The following FRMD6 variants were observed in gnomAD, a reference collection of about 807,000 sequenced individuals.
FRMD6 encodes the protein FERM domain-containing protein 6.
FRMD6 carries 37 observed loss-of-function variants against 73.2 expected under a neutral mutation model. That is an observed-to-expected ratio of 0.51 (90% CI 0.39 to 0.66). The LOEUF (loss-of-function observed/expected upper bound fraction) is 0.66, where lower values mean the gene tolerates loss of function less well. Ranked by LOEUF, FRMD6 falls within the 30% of genes least tolerant of loss-of-function variation. The pLI, the probability that FRMD6 is intolerant of heterozygous loss-of-function variation, is 0.00. For missense variants in FRMD6, 714 were observed against 780.5 expected (o/e 0.91, Z 1.02); for synonymous variants, 273 against 282.2 (o/e 0.97, Z 0.33).
intron 1 of FRMD6, among the ~76,000 whole-genome samples, chr14:51,503,078 A>T (rs2140220361): frequency 6.6e-6 from 1 of 152,322 alleles, no homozygotes; most frequent in Admixed American, 6.5e-5. Context: ...GTTGCTTATC[A>T]GCTTAAGAAG....
chr14:51,650,810 C>T (rs1892318466), upstream of FRMD6: 1 of 151,980 alleles, frequency 6.6e-6, no homozygotes, highest in Non-Finnish European at 1.5e-5. Context: ...CCCCGGCACT[C>T]CTTTAGCGAA....
chr14:51,568,225 C>T (rs1228427557), intron 1 of FRMD6, among the ~76,000 whole-genome samples: 2 of 152,252 alleles, frequency 1.3e-5, no homozygotes, highest in Non-Finnish European at 2.9e-5. Flanking sequence ...TTTTCTGAGC[C>T]AATTCTTGTC....
chr14:51,507,873 C>A (rs79637259), intron 1 of FRMD6, among the ~76,000 whole-genome samples: 3,382 of 152,250 alleles, frequency 0.022, 126 homozygotes, highest in African/African-American at 0.078. Flanking sequence ...GGCTTGATCA[C>A]ACCTCTGGGC....
At chr14:51,718,181 T>C (rs959067511) in intron 10 of FRMD6, among the ~76,000 whole-genome samples, 3 of 152,186 alleles carry the variant, frequency 2.0e-5, no homozygotes, top group Admixed American at 6.5e-5. Context: ...GCTTCCTAAA[T>C]GTCTGGAAAG....
chr14:51,544,509 T>C (rs1886358505), intron 1 of FRMD6, among the ~76,000 whole-genome samples: 2 of 152,024 alleles, frequency 1.3e-5, no homozygotes, highest in Non-Finnish European at 2.9e-5. Flanking sequence ...GAAAACAATA[T>C]GTATAAGTTG....
chr14:51,665,086 A>G (rs1445050663), intron 1 of FRMD6, among the ~76,000 whole-genome samples: 1 of 152,234 alleles, frequency 6.6e-6, no homozygotes, highest in Admixed American at 6.5e-5. Flanking sequence ...CCCACCAACA[A>G]GTTTGGCTGC....
chr14:51,639,217 C>T lies in FRMD6; in HGVS notation c.-146-50474C>T, dbSNP rs966378464. ...TTGGGAGACTGAGGCGGGCGGATCA[C>T]GAGGTCAGGAGATCGAGACCATGCT... On this transcript the variant is annotated intron_variant, in intron 2 of 14. Transcript: ENST00000356218. Among the ~76,000 whole-genome samples the T allele has an allele frequency of 4.6e-5, 7 of 152,050 alleles. No individual in the cohort carries two copies. The East Asian group carries it at 1.2e-3, about 25-fold the overall frequency.
chr14:51,601,793 T>C (rs982486755), intron 2 of FRMD6, among the ~76,000 whole-genome samples: 1 of 152,234 alleles, frequency 6.6e-6, no homozygotes, highest in Admixed American at 6.5e-5. Flanking sequence ...TGCCTAGGCT[T>C]GGTAACATTG....
At chr14:51,602,691 A>AG (rs1233109162) in intron 2 of FRMD6, among the ~76,000 whole-genome samples, 1 of 152,188 alleles carries the variant, frequency 6.6e-6, no homozygotes, top group Non-Finnish European at 1.5e-5. Context: ...TTACAAGAAA[A>AG]GCCTGTCAAC....
chr14:51,501,421 A>G (rs949369685), intron 1 of FRMD6, among the ~76,000 whole-genome samples: 4 of 151,870 alleles, frequency 2.6e-5, no homozygotes, highest in Non-Finnish European at 2.9e-5. Flanking sequence ...CCATGTGCCC[A>G]TGCATTCTCA....
intron 12 of FRMD6, among the ~76,000 whole-genome samples, chr14:51,723,935 A>G (rs190487511): frequency 0.014 from 2,165 of 152,256 alleles, 55 homozygotes; most frequent in African/African-American, 0.05. Flanking sequence ...ATTAAAAACA[A>G]GAATATTTAT....
chr14:51,612,109 T>C (rs1468060742), intron 2 of FRMD6, among the ~76,000 whole-genome samples: 2 of 152,230 alleles, frequency 1.3e-5, no homozygotes, highest in East Asian at 3.8e-4. Flanking sequence ...TAACAAAATA[T>C]TTTCAAAAGA....
intron 11 of FRMD6, 130 bp downstream of exon 11, chr14:51,720,520 C>T (rs1897493139): frequency 3.2e-5 from 25 of 778,276 alleles, no homozygotes; most frequent in Non-Finnish European, 1.0e-5. Context: ...GTCTTGTTGT[C>T]TTCCCCAATG....
At position 51,597,498 on chromosome 14, in the gene FRMD6, C is replaced by T. The variant is rs563835345; in HGVS notation, c.-147+27088C>T. Reference sequence around the variant, plus strand: ...AGTGAGCAGAGGCCTAAGATGGAGACCTAGAGCCTACAGCACGTTTGGCTG... The same window carrying T: ...AGTGAGCAGAGGCCTAAGATGGAGATCTAGAGCCTACAGCACGTTTGGCTG... On this transcript the variant is annotated intron_variant, in intron 2 of 14. Coordinates refer to the FRMD6 transcript ENST00000356218. Among the ~76,000 whole-genome samples the T allele has an allele frequency of 6.6e-5, 10 of 152,204 alleles. No individual in the cohort carries two copies. In the South Asian group the frequency reaches 1.9e-3, roughly 28 times the overall value.
At position 51,538,446 on chromosome 14, in the gene FRMD6, T is replaced by C. The variant is rs150935364; in HGVS notation, c.-209-31902T>C. Among the ~76,000 whole-genome samples the C allele has an allele frequency of 2.0e-5, 3 of 152,296 alleles. No individual in the cohort carries two copies. In the East Asian group the frequency reaches 5.8e-4, roughly 29 times the overall value. ...TCTTTTCCTTTGTCACATGTGAATT[T>C]GGTGTCATAGCTAAGAAATCATTGC... On this transcript the variant is annotated intron_variant, in intron 1 of 14. Coordinates refer to the FRMD6 transcript ENST00000356218.
At chr14:51,412,853 A>AAAAAT in the FRMD6 span, among the ~76,000 whole-genome samples, 1 of 152,044 alleles carries the variant, frequency 6.6e-6, no homozygotes, top group South Asian at 2.1e-4. Context: ...TTCTGTCTAA[A>AAAAAT]AAAATAAAAT....
chr14:51,455,016 C>T, the FRMD6 span, among the ~76,000 whole-genome samples: 2 of 152,080 alleles, frequency 1.3e-5, no homozygotes, highest in Non-Finnish European at 2.9e-5. Flanking sequence ...TTCAGAATTT[C>T]CCAAACTGTG....
intron 1 of FRMD6, among the ~76,000 whole-genome samples, chr14:51,656,022 T>C (rs1892795915): frequency 6.6e-6 from 1 of 152,190 alleles, no homozygotes; most frequent in African/African-American, 2.4e-5. Context: ...AATGTCTACT[T>C]CCCATGCTGT....
chr14:51,629,998 TCTCGAACTCCTGAGCTCAAA>T (rs1891277242), intron 2 of FRMD6, among the ~76,000 whole-genome samples: 1 of 152,202 alleles, frequency 6.6e-6, no homozygotes, highest in African/African-American at 2.4e-5. Flanking sequence ...CTTAGGCTGG[TCTCGAACTCCTGAGCTCAAA>T]CTTCTCCTCT....
Sources: gnomAD v4.1 joint callset for allele counts (sites outside exome capture counted in the v4.1 genomes callset) on GRCh38, gnomAD v4.1.1 for gene constraint, MANE v1.5 for transcripts, NCBI Gene and HGNC (gene_info 2026-07-23, HGNC 2026-07-21) for gene names.